The following PCDHA10 variants were observed in gnomAD, a reference collection of about 807,000 sequenced individuals.
PCDHA10 encodes protocadherin alpha 10.
In PCDHA10, 45 loss-of-function variants were observed where a neutral mutation model predicts 61.2. That is an observed-to-expected ratio of 0.74 (90% CI 0.58 to 0.94). PCDHA10 has a LOEUF of 0.94. Among genes scored for constraint, PCDHA10 ranks in the 40% least tolerant of loss-of-function variants. PCDHA10 has a pLI of 0.00. For synonymous variants in PCDHA10, 602 were observed against 548.8 expected (o/e 1.10, Z -1.35); for missense variants, 1,278 against 1,236.2 (o/e 1.03, Z -0.51).
chr5:140,916,165 G>A (rs567070534), intron 1 of PCDHA10, among the ~76,000 whole-genome samples: 1 of 152,224 alleles, frequency 6.6e-6, no homozygotes, highest in East Asian at 1.9e-4. Context: ...AATGCTGCCA[G>A]GCCTGGGACT....
At chr5:140,935,234 T>C (rs1160112983) in intron 1 of PCDHA10, among the ~76,000 whole-genome samples, 8 of 152,190 alleles carry the variant, frequency 5.3e-5, no homozygotes, top group Non-Finnish European at 1.2e-4. Context: ...GGATGTCTAT[T>C]TTTTAAAAGA....
intron 1 of PCDHA10, chr5:140,876,942 G>C (rs370156477): frequency 6.2e-7 from 1 of 1,613,660 alleles, no homozygotes; most frequent in South Asian, 1.1e-5. Flanking sequence ...ACGCGCTGGT[G>C]TCCTACTCGC....
intron 1 of PCDHA10, chr5:140,927,577 A>T: frequency 6.2e-7 from 1 of 1,614,170 alleles, no homozygotes; most frequent in Non-Finnish European, 8.5e-7. Flanking sequence ...CACAAATGAC[A>T]ACGCGCCTGT....
At chr5:140,925,141 A>G (rs1287522151) in intron 1 of PCDHA10, among the ~76,000 whole-genome samples, 1 of 151,690 alleles carries the variant, frequency 6.6e-6, no homozygotes, top group Non-Finnish European at 1.5e-5. Context: ...TTTCAAACAT[A>G]CACAAAAGTT....
At chr5:140,879,297 A>G (rs573154436) in intron 1 of PCDHA10, among the ~76,000 whole-genome samples, 1 of 152,346 alleles carries the variant, frequency 6.6e-6, no homozygotes, top group African/African-American at 2.4e-5. Flanking sequence ...TAAGAGAAAA[A>G]CAAAAGTAGA....
At chr5:140,929,217 C>T (rs1183459158) in intron 1 of PCDHA10, 1 of 1,614,016 alleles carries the variant, frequency 6.2e-7, no homozygotes, top group Non-Finnish European at 8.5e-7. Flanking sequence ...GTGGGGAGTA[C>T]AATGCTGCCG....
intron 1 of PCDHA10, chr5:140,876,400 T>G: frequency 1.2e-6 from 2 of 1,613,928 alleles, no homozygotes; most frequent in Non-Finnish European, 1.7e-6. Context: ...TGAACTGGAT[T>G]TTGAAGAGAA....
intron 1 of PCDHA10, chr5:140,927,637 G>C (rs1554204838): frequency 6.2e-7 from 1 of 1,614,176 alleles, no homozygotes; most frequent in Non-Finnish European, 8.5e-7. Flanking sequence ...TGCACCCAAT[G>C]GGACTGTGTT....
intron 1 of PCDHA10, among the ~76,000 whole-genome samples, chr5:140,939,846 T>G (rs2092473465): frequency 6.6e-6 from 1 of 152,222 alleles, no homozygotes; most frequent in Non-Finnish European, 1.5e-5. Flanking sequence ...GTTGTTGTGT[T>G]CTGTATATGT....
intron 3 of PCDHA10, among the ~76,000 whole-genome samples, chr5:141,005,404 G>A (rs1265064301): frequency 6.6e-6 from 1 of 152,166 alleles, no homozygotes; most frequent in Non-Finnish European, 1.5e-5. Context: ...CAGACTTGAA[G>A]AGTGAGGAGT....
Position 140,856,701 on chromosome 5 carries a change from AAC to A in PCDHA10, c.654_655del (p.Lys218AsnfsTer2), listed in dbSNP as rs2150363820. The A allele has an allele frequency of 6.3e-7, 1 of 1,597,018 alleles. No individual in the cohort carries two copies. Among genetic ancestry groups the A allele is most frequent in the East Asian group, 2.2e-5 (1 of 44,866 alleles). ...TTGTTGACAGCAACTGATGGAGGCA[AAC>A]CTGAATTTACCGGATCTGTTTCTCT... is the stretch of plus-strand genomic sequence containing the variant. On this transcript the variant is annotated frameshift_variant, in exon 1 of 4. Transcript: ENST00000307360. LOFTEE classifies it high-confidence loss of function.
intron 1 of PCDHA10, among the ~76,000 whole-genome samples, chr5:140,912,685 G>A (rs2076025155): frequency 6.6e-6 from 1 of 152,060 alleles, no homozygotes; most frequent in Non-Finnish European, 1.5e-5. Flanking sequence ...CTTATTCCAG[G>A]TCTCAGGGGG....
intron 1 of PCDHA10, among the ~76,000 whole-genome samples, chr5:140,938,974 G>T (rs534312375): frequency 6.6e-6 from 1 of 152,230 alleles, no homozygotes; most frequent in Non-Finnish European, 1.5e-5. Context: ...TGGCATCAAG[G>T]CTATCCTGGC....
intron 3 of PCDHA10, among the ~76,000 whole-genome samples, chr5:140,989,670 C>T (rs907417768): frequency 6.6e-6 from 1 of 152,104 alleles, no homozygotes; most frequent in African/African-American, 2.4e-5. Flanking sequence ...GAAACTCTGC[C>T]CAGATTTCAA....
intron 1 of PCDHA10, among the ~76,000 whole-genome samples, chr5:140,971,561 A>G (rs367567903): frequency 1.3e-3 from 195 of 152,186 alleles, no homozygotes; most frequent in African/African-American, 4.3e-3. Context: ...TTAAATTCCC[A>G]TGTTGGGCTT....
intron 3 of PCDHA10, among the ~76,000 whole-genome samples, chr5:140,987,981 ACT>A (rs2153869731): frequency 6.6e-6 from 1 of 152,028 alleles, no homozygotes; most frequent in African/African-American, 2.4e-5. Context: ...CTCCATGGAG[ACT>A]CCATCTCTGA....
At chr5:140,949,932 TA>T (rs1438940739) in intron 1 of PCDHA10, among the ~76,000 whole-genome samples, 2 of 151,648 alleles carry the variant, frequency 1.3e-5, no homozygotes, top group African/African-American at 2.4e-5. Context: ...AGATTTTTTT[TA>T]ATTTGCATTT....
intron 3 of PCDHA10, among the ~76,000 whole-genome samples, chr5:141,005,688 C>T (rs1411519222): frequency 2.8e-5 from 3 of 107,694 alleles, no homozygotes; most frequent in African/African-American, 7.9e-5. Context: ...GGCGACAGAG[C>T]GAAACTCCGT....
chr5:140,875,409 A>C (rs2055459044), intron 1 of PCDHA10: 1 of 1,500,680 alleles, frequency 6.7e-7, no homozygotes, highest in African/African-American at 1.4e-5. Context: ...CTGCTCATAA[A>C]ATACCTCAGG....
Sources: gnomAD v4.1 joint callset for allele counts (sites outside exome capture counted in the v4.1 genomes callset) on GRCh38, gnomAD v4.1.1 for gene constraint, MANE v1.5 for transcripts, NCBI Gene and HGNC (gene_info 2026-07-23, HGNC 2026-07-21) for gene names.